The following DYSF variants were observed in gnomAD, a reference collection of about 807,000 sequenced individuals.
DYSF encodes dystrophy-associated fer-1-like 1.
A neutral mutation model predicts 274.9 loss-of-function variants in DYSF; 212 were observed. That is an observed-to-expected ratio of 0.77 (90% CI 0.69 to 0.86). The LOEUF (loss-of-function observed/expected upper bound fraction) is 0.86. Ranked by LOEUF, DYSF falls within the 40% of genes least tolerant of loss-of-function variation. The pLI is 0.00. For missense variants in DYSF, 2,666 were observed against 2,783.2 expected (o/e 0.96, Z 0.95); for synonymous variants, 1,091 against 1,078.7 (o/e 1.01, Z -0.22).
At chr2:71,587,603 A>G (rs2093113580) in intron 30 of DYSF, among the ~76,000 whole-genome samples, 1 of 152,338 alleles carries the variant, frequency 6.6e-6, no homozygotes, top group East Asian at 1.9e-4. Flanking sequence ...CATCTTCTGT[A>G]TCTTCTTTAA....
At chr2:71,666,544 A>G (rs1317240341) in intron 47 of DYSF, among the ~76,000 whole-genome samples, 1 of 152,254 alleles carries the variant, frequency 6.6e-6, no homozygotes, top group Non-Finnish European at 1.5e-5. Context: ...TCCCAAAGCC[A>G]AGGCCTTTGA....
chr2:71,525,573 A>G (rs544399724), intron 12 of DYSF, among the ~76,000 whole-genome samples: 100 of 152,200 alleles, frequency 6.6e-4, no homozygotes, highest in African/African-American at 2.3e-3. Context: ...CATTCAAGGG[A>G]GGGGTGCTAT....
At chr2:71,468,278 TG>T (rs2081685546) in intron 1 of DYSF, among the ~76,000 whole-genome samples, 1 of 152,250 alleles carries the variant, frequency 6.6e-6, no homozygotes, top group South Asian at 2.1e-4. Flanking sequence ...CATAGGGCTC[TG>T]GATGCTCTAA....
chr2:71,540,985 C>T (rs1275992050), intron 17 of DYSF, among the ~76,000 whole-genome samples: 3 of 152,128 alleles, frequency 2.0e-5, no homozygotes, highest in African/African-American at 7.2e-5. Context: ...GATACAAACA[C>T]TGTATTTTGA....
intron 1 of DYSF, among the ~76,000 whole-genome samples, chr2:71,477,072 C>T (rs1418902113): frequency 6.6e-6 from 1 of 151,994 alleles, no homozygotes; most frequent in African/African-American, 2.4e-5. Context: ...AGTGTTACTC[C>T]CCCAAAACTC....
At chr2:71,462,557 G>T (rs943941775), upstream of DYSF, among the ~76,000 whole-genome samples, 16 of 152,204 alleles carry the variant, frequency 1.1e-4, no homozygotes, top group African/African-American at 3.9e-4. Context: ...CTGCTGTTCA[G>T]TGGGTCCTGG....
chr2:71,551,042 G>A lies in DYSF; in HGVS notation c.1578G>A (p.Val526=), dbSNP rs2090906948. ...CTGATTGCCACTTGTGTCTCCCAGTGGATGACTACCTGGGCTTCCTCCCCA... is the reference window on the plus strand; with the variant it reads ...CTGATTGCCACTTGTGTCTCCCAGTAGATGACTACCTGGGCTTCCTCCCCA... ...KISAPGGEIE[V]DDYLGFLPTF... is the part of the protein sequence containing the mutation. The change falls in exon 18 of 56, where the codon GTG becomes GTA. Residue 526 remains valine (V), a splice_region_variant and synonymous_variant. Transcript: ENST00000410020. The A allele has an allele frequency of 4.3e-6, 7 of 1,613,842 alleles. No homozygotes were observed. The highest frequency in any genetic ancestry group is 1.6e-4 in the Middle Eastern group (1 of 6,084).
At chr2:71,646,198 A>G (rs2094565321) in intron 42 of DYSF, among the ~76,000 whole-genome samples, 1 of 152,218 alleles carries the variant, frequency 6.6e-6, no homozygotes, top group Non-Finnish European at 1.5e-5. Flanking sequence ...AGACAGAACT[A>G]TTTGTGTACC....
chr2:71,482,217 C>T lies in DYSF; in HGVS notation c.239+247C>T, dbSNP rs554744344. Among the ~76,000 whole-genome samples, 14 of 152,236 alleles carry T rather than the reference C, an allele frequency of 9.2e-5. No individual in the cohort carries two copies. In the South Asian group the frequency reaches 1.2e-3, roughly 14 times the overall value. ...AAGATGGGCTGGAATCAGGTGTCCACGCATTTGCACAGACAGTGTGTGCCC... is the reference window on the plus strand; with the variant it reads ...AAGATGGGCTGGAATCAGGTGTCCATGCATTTGCACAGACAGTGTGTGCCC... On this transcript the variant is annotated intron_variant, in intron 3 of 55. Coordinates refer to ENST00000410020, the MANE Select transcript of DYSF (RefSeq NM_001130987.2).
At chr2:71,489,932 C>A (rs4270372) in intron 3 of DYSF, among the ~76,000 whole-genome samples, 121,445 of 152,124 alleles carry the variant, frequency 0.8, 48,807 homozygotes, top group African/African-American at 0.88. Context: ...CCTATGTTGC[C>A]AGGTTGCTGT....
chr2:71,610,720 G>A (rs539674936), intron 36 of DYSF: 3 of 210,542 alleles, frequency 1.4e-5, no homozygotes, highest in South Asian at 1.7e-4. Flanking sequence ...GGGGACAGGC[G>A]TGAGAGGTGG....
At chr2:71,659,073 G>T in intron 44 of DYSF, 40 bp downstream of exon 44, 1 of 1,613,786 alleles carries the variant, frequency 6.2e-7, no homozygotes. Context: ...AGAGTAGCAG[G>T]CTCAGGTACA....
At chr2:71,498,336 G>A (rs1487937189) in intron 3 of DYSF, among the ~76,000 whole-genome samples, 1 of 152,206 alleles carries the variant, frequency 6.6e-6, no homozygotes, top group African/African-American at 2.4e-5. Context: ...GTGGGCAGGG[G>A]GCTAGGGAAT....
At chr2:71,561,134 G>A (rs942983432) in intron 22 of DYSF, among the ~76,000 whole-genome samples, 4 of 152,102 alleles carry the variant, frequency 2.6e-5, no homozygotes, top group Non-Finnish European at 2.9e-5. Flanking sequence ...TGTGTTTCTG[G>A]CATTGCATGT....
chr2:71,571,220 TCACACTCAG>T (rs2092414776), intron 29 of DYSF, among the ~76,000 whole-genome samples: 1 of 100,410 alleles, frequency 1.0e-5, no homozygotes, highest in Admixed American at 1.1e-4. Flanking sequence ...CACCCACAGT[TCACACTCAG>T]CACACACAGA....
At chr2:71,662,471 C>T (rs375966743) in intron 45 of DYSF, among the ~76,000 whole-genome samples, 8 of 149,002 alleles carry the variant, frequency 5.4e-5, no homozygotes, top group African/African-American at 1.2e-4. Context: ...CACATATGTG[C>T]GTGCGTGTGT....
intron 36 of DYSF, 102 bp from the exon 37 acceptor site, chr2:71,611,143 T>A: frequency 1.1e-6 from 1 of 887,552 alleles, no homozygotes; most frequent in Non-Finnish European, 1.9e-6. Flanking sequence ...TGTTTCTCCC[T>A]GCACTTGGCA....
chr2:71,541,339 C>T lies in DYSF; in HGVS notation c.1576+2100C>T, dbSNP rs192089490. Reference sequence around the variant, plus strand: ...GTGATGATTGTTATTTTTAGTTTGTCACTTTTACTCTAGTCAATTTTGATA... The same window carrying T: ...GTGATGATTGTTATTTTTAGTTTGTTACTTTTACTCTAGTCAATTTTGATA... On this transcript the variant is annotated intron_variant, in intron 17 of 55. Coordinates refer to ENST00000410020, the MANE Select transcript of DYSF (RefSeq NM_001130987.2). 1.9e-3 allele frequency among the ~76,000 whole-genome samples: 292 copies of T among 152,212 alleles called. 1 individual carries two copies. The highest frequency in any genetic ancestry group is 6.2e-3 in the African/African-American group (258 of 41,540).
chr2:71,600,885 G>A (rs2093533708), intron 34 of DYSF, 43 bp downstream of exon 34: 1 of 1,602,092 alleles, frequency 6.2e-7, no homozygotes, highest in Admixed American at 1.7e-5. Context: ...CCAGGCAGGA[G>A]TGGGGTGGGG....
Sources: gnomAD v4.1 joint callset for allele counts (sites outside exome capture counted in the v4.1 genomes callset) on GRCh38, gnomAD v4.1.1 for gene constraint, MANE v1.5 for transcripts, NCBI Gene and HGNC (gene_info 2026-07-23, HGNC 2026-07-21) for gene names.